Variants in RNASE1 observed in about 807,000 individuals in gnomAD.
RNASE1 encodes ribonuclease A family member 1, pancreatic.
For missense variants in RNASE1, 203 were observed against 201.0 expected, an observed-to-expected ratio of 1.01 and a Z score of -0.06; for synonymous variants, 64 against 78.6, an observed-to-expected ratio of 0.81 and a Z score of 0.98.
chr14:20,801,953 T>C lies in RNASE1; in HGVS notation c.116A>G (p.Gln39Arg). 11 of 1,613,964 alleles carry C rather than the reference T, an allele frequency of 6.8e-6. No homozygotes were observed. The highest frequency in any genetic ancestry group is 9.3e-6 in the Non-Finnish European group (11 of 1,179,968). ...GGGGGAACTGTCTGAGTCCATATGC[T>C]GCCGCTGGAATTTCTTGGCCCGGGA... ...KESRAKKFQR[Q>R]HMDSDSSPSS... is the part of the protein sequence containing the mutation. Residue 39 changes from glutamine (Q) to arginine (R), a missense_variant, in exon 2 of 2, where the codon CAG becomes CGG. Physicochemically the swap from Gln to Arg is conservative, Grantham distance 43 (BLOSUM62 1). Coordinates refer to ENST00000397967, the MANE Select transcript of RNASE1 (RefSeq NM_002933.5).
rs754970022 is a variant in RNASE1, at chr14:20,801,767, T to C, written c.302A>G (p.Tyr101Cys). The change falls in exon 2 of 2, where the codon TAC (tyrosine) becomes TGC (cysteine). Residue 101 changes from tyrosine (Y) to cysteine (C), a missense_variant. Tyr to Cys is a radical substitution (Grantham distance 194). Coordinates refer to ENST00000397967, the MANE Select transcript of RNASE1 (RefSeq NM_002933.5). ...VTCKNGQGNCYKSNSSMHITD... is the reference protein window; with the variant it reads ...VTCKNGQGNCCKSNSSMHITD... ...GATGTGCATGCTGGAGTTGCTCTTG[T>C]AGCAGTTGCCCTGCCCGTTCTTGCA... 4.3e-6 allele frequency: 7 copies of C among 1,614,190 alleles called. No individual in the cohort carries two copies. Among genetic ancestry groups the C allele is most frequent in the South Asian group, 1.1e-5 (1 of 91,080 alleles).
rs1256397800 is a variant in RNASE1, at chr14:20,801,664, A to G, written c.405T>C (p.Ile135=). 3.1e-6 allele frequency: 5 copies of G among 1,614,070 alleles called. No individual in the cohort carries two copies. In the Admixed American group the frequency reaches 6.7e-5, roughly 22 times the overall value. The part of the protein sequence containing the change: ...YRTSPKERHI[I]VACEGSPYVP... Reference sequence around the variant, plus strand: ...CATATGGGCTCCCTTCACAGGCCACAATGATGTGTCTCTCCTTCGGGCTGG... The same window carrying G: ...CATATGGGCTCCCTTCACAGGCCACGATGATGTGTCTCTCCTTCGGGCTGG... Residue 135 remains isoleucine (I), a synonymous_variant, in exon 2 of 2, where the codon ATT becomes ATC. Transcript: ENST00000397967.
Sources: allele counts gnomAD v4.1 joint callset, GRCh38; gene constraint gnomAD v4.1.1; transcripts MANE v1.5; gene names NCBI Gene and HGNC (gene_info 2026-07-23, HGNC 2026-07-21).